The following TYK2 variants were observed in gnomAD, a reference collection of about 807,000 sequenced individuals.
TYK2 encodes tyrosine kinase 2, also known as non-receptor tyrosine-protein kinase TYK2.
In TYK2, 65 loss-of-function variants were observed where a neutral mutation model predicts 130.9. That is an observed-to-expected ratio of 0.50 (90% CI 0.41 to 0.61). The LOEUF (loss-of-function observed/expected upper bound fraction) is 0.61. TYK2 is among the 20% of genes least tolerant of loss of function. The pLI, the probability that TYK2 is intolerant of heterozygous loss-of-function variation, is 0.00. For missense variants in TYK2, 1,378 were observed against 1,610.7 expected, an observed-to-expected ratio of 0.86 and a Z score of 2.47; for synonymous variants, 647 against 658.9, an observed-to-expected ratio of 0.98 and a Z score of 0.28.
chr19:10,378,503 C>A, intron 2 of TYK2, 77 bp from the exon 3 acceptor site: 1 of 1,172,372 alleles, frequency 8.5e-7, no homozygotes. Context: ...TCCACCCACC[C>A]CAGCTAAGGC....
In TYK2 at chr19:10,353,796, C is replaced by T; in HGVS notation, c.2909-150G>A. 1.5e-6 allele frequency: 1 copy of T among 686,392 alleles called. No individual in the cohort carries two copies. The highest frequency in any genetic ancestry group is 2.4e-6 in the Non-Finnish European group (1 of 412,282). 42.5% of individuals were successfully genotyped at this position (686,392 alleles called of 1,614,324 possible). ...CAGTTCTCAGGTGGGATGGACCCATCCAGAACCCCATTCTCACTTGAGGGA... is the reference window on the plus strand; with the variant it reads ...CAGTTCTCAGGTGGGATGGACCCATTCAGAACCCCATTCTCACTTGAGGGA... On this transcript the variant is annotated intron_variant, in intron 20 of 24. Coordinates refer to ENST00000525621, the MANE Select transcript of TYK2 (RefSeq NM_003331.5). This position sits in a 1 kb window ranked among gnomAD's most constrained non-coding sequence, Gnocchi z 6.9.
chr19:10,358,160 G>T, intron 15 of TYK2, 22 bp from the exon 16 acceptor site: 1 of 1,593,874 alleles, frequency 6.3e-7, no homozygotes, highest in Non-Finnish European at 8.5e-7. Context: ...AGGAGAGGGG[G>T]TGTGGCCACT....
At chr19:10,371,429 T>C (rs1599360014) in intron 3 of TYK2, among the ~76,000 whole-genome samples, 1 of 151,632 alleles carries the variant, frequency 6.6e-6, no homozygotes, top group Middle Eastern at 3.2e-3. Flanking sequence ...TCACCTGAGG[T>C]CGGGAGTTCG....
chr19:10,370,472 C>T (rs1480113933), intron 3 of TYK2, among the ~76,000 whole-genome samples: 1 of 151,244 alleles, frequency 6.6e-6, no homozygotes, highest in Non-Finnish European at 1.5e-5. Context: ...CGAGATTGTG[C>T]CACTGCACTC....
Position 10,354,127 on chromosome 19 carries a change from G to T in TYK2, c.2823C>A (p.Arg941=). The part of the protein sequence containing the change: ...ALKADCGPQH[R]SGWKQEIDIL... ...TGTCAATCTCCTGCTTCCAGCCCGA[G>T]CGGTGCTGGGGGCCGCAGTCTGCCT... The change falls in exon 20 of 25, where the codon CGC becomes CGA. Residue 941 remains arginine, a synonymous_variant. Transcript: ENST00000525621. 4 of 1,614,084 alleles carry T rather than the reference G, an allele frequency of 2.5e-6. No homozygotes were observed. Among genetic ancestry groups the T allele is most frequent in the Non-Finnish European group, 3.4e-6 (4 of 1,180,022 alleles).
Position 10,350,790 on chromosome 19 carries a change from C to T in TYK2, c.*44G>A. 1 of 1,609,434 alleles carries T rather than the reference C, an allele frequency of 6.2e-7. No homozygotes were observed. The highest frequency in any genetic ancestry group is 8.5e-7 in the Non-Finnish European group (1 of 1,178,690). On this transcript the variant is annotated 3_prime_UTR_variant, in exon 25 of 25. Transcript: ENST00000525621. The stretch of plus-strand genomic sequence containing the variant: ...AGGGAGCAGGAGGCTCCCTCTGCAG[C>T]CACTGCCTGGTCCAGTCCTCCCAGG...
At chr19:10,352,642 C>T in intron 22 of TYK2, 91 bp from the exon 23 acceptor site, 1 of 765,050 alleles carries the variant, frequency 1.3e-6, no homozygotes, top group Non-Finnish European at 2.2e-6. Context: ...GACTGAAGGA[C>T]CCTCTGGGCT....
intron 3 of TYK2, among the ~76,000 whole-genome samples, chr19:10,374,072 C>T (rs2042018457): frequency 6.6e-6 from 1 of 151,964 alleles, no homozygotes; most frequent in Non-Finnish European, 1.5e-5. Context: ...CGAGACCATC[C>T]TGGCTAGCAC....
In TYK2 at chr19:10,353,691, G is replaced by A. The variant is rs762883998; in HGVS notation, c.2909-45C>T. On this transcript the variant is annotated intron_variant, in intron 20 of 24. Coordinates refer to ENST00000525621, the MANE Select transcript of TYK2 (RefSeq NM_003331.5). This position sits in a 1 kb window ranked among gnomAD's most constrained non-coding sequence, Gnocchi z 6.9. ...CCCCGGTGGGGGACGATAGAGGGCG[G>A]GCCGGGGACCGCCTACCTTGAGCCC... The A allele has an allele frequency of 2.8e-6, 4 of 1,408,810 alleles. No homozygotes were observed. The highest frequency in any genetic ancestry group is 1.4e-5 in the African/African-American group (1 of 69,784). The allele number at this position is 1,408,810 out of a possible 1,614,324, so 87.3% of individuals were successfully genotyped here.
At chr19:10,351,814 C>A (rs2145132125) in intron 23 of TYK2, among the ~76,000 whole-genome samples, 1 of 152,194 alleles carries the variant, frequency 6.6e-6, no homozygotes, top group Non-Finnish European at 1.5e-5. Flanking sequence ...TCTCGGCTCA[C>A]TGCAACCTTC....
Position 10,362,187 on chromosome 19 carries a change from G to T in TYK2, c.1670-6C>A. ...GATGATGAGATTGGAGGTTTCTGGG[G>T]GCAGGCATCAAGTCATGGAGGGCGG... On this transcript the variant is annotated splice_polypyrimidine_tract_variant and splice_region_variant and intron_variant, in intron 11 of 24. Transcript: ENST00000525621. 1 of 1,614,010 alleles carries T rather than the reference G, an allele frequency of 6.2e-7. No individual in the cohort carries two copies. The highest frequency in any genetic ancestry group is 8.5e-7 in the Non-Finnish European group (1 of 1,179,996).
chr19:10,357,272 C>T, intron 17 of TYK2: 1 of 555,082 alleles, frequency 1.8e-6, no homozygotes, highest in Non-Finnish European at 3.2e-6. Context: ...GCCTGTAATC[C>T]CCCCTACTCG....
chr19:10,371,171 G>A (rs2041893816), intron 3 of TYK2, among the ~76,000 whole-genome samples: 1 of 151,494 alleles, frequency 6.6e-6, no homozygotes, highest in South Asian at 2.1e-4. Flanking sequence ...TCACCATGTT[G>A]TCCAGGCTGG....
At position 10,358,115 on chromosome 19, in the gene TYK2, A is replaced by C. The variant is rs1400958659; in HGVS notation, c.2199T>G (p.Gly733=). Residue 733 remains glycine, a synonymous_variant, in exon 16 of 25, where the codon GGT becomes GGG. Transcript: ENST00000525621. ...GCAGGATGTTCCGGCCACACACATT[A>C]CCATGAACCAGGTTCTTGTTCTCCT... The part of the protein sequence containing the change: ...SYLENKNLVH[G]NVCGRNILLA... The C allele has an allele frequency of 6.2e-7, 1 of 1,610,562 alleles. No homozygotes were observed. Among genetic ancestry groups the C allele is most frequent in the East Asian group, 2.2e-5 (1 of 44,780 alleles).
At chr19:10,379,273 G>A (rs1599371254) in intron 2 of TYK2, among the ~76,000 whole-genome samples, 1 of 151,976 alleles carries the variant, frequency 6.6e-6, no homozygotes, top group Non-Finnish European at 1.5e-5. Context: ...AGGCTGCAGT[G>A]AGCAGTGATC....
rs749964610 is a variant in TYK2, at chr19:10,361,743, C to T, written c.1959+27G>A. The stretch of plus-strand genomic sequence containing the variant: ...TCCGGCCACCTCCTCCACAGACACA[C>T]CCCCAGGCCTGGCCCTGCCCACTCA... On this transcript the variant is annotated intron_variant, in intron 13 of 24. Coordinates refer to ENST00000525621, the MANE Select transcript of TYK2 (RefSeq NM_003331.5). This position sits in a 1 kb window ranked among gnomAD's most constrained non-coding sequence, Gnocchi z 4.0. The T allele has an allele frequency of 1.2e-6, 2 of 1,610,668 alleles. No homozygotes were observed. Among genetic ancestry groups the T allele is most frequent in the East Asian group, 4.5e-5 (2 of 44,830 alleles).
intron 3 of TYK2, among the ~76,000 whole-genome samples, chr19:10,372,484 A>ATATATATATATATTTTTTTTT (rs1390400916): frequency 2.7e-5 from 1 of 37,438 alleles, no homozygotes; most frequent in African/African-American, 1.3e-4. Context: ...ATATATATAT[A>ATATATATATATATTTTTTTTT]TTTTTTTTTT....
At chr19:10,373,317 T>A (rs2041993518) in intron 3 of TYK2, among the ~76,000 whole-genome samples, 1 of 150,822 alleles carries the variant, frequency 6.6e-6, no homozygotes, top group South Asian at 2.1e-4. Context: ...GGATTACAAG[T>A]GTGAGCTACG....
chr19:10,365,903 G>C lies in TYK2; in HGVS notation c.630-5C>G. 6.2e-7 allele frequency: 1 copy of C among 1,603,530 alleles called. No homozygotes were observed. The highest frequency in any genetic ancestry group is 8.5e-7 in the Non-Finnish European group (1 of 1,174,724). On this transcript the variant is annotated splice_region_variant and splice_polypyrimidine_tract_variant and intron_variant, in intron 6 of 24. Transcript: ENST00000525621. The stretch of plus-strand genomic sequence containing the variant: ...CGCGGGATGCAGTCCTTGAAGCTGG[G>C]GGGAAACACAGTGAGGGGCTGGTCA...
Sources: gnomAD v4.1 joint callset for allele counts (sites outside exome capture counted in the v4.1 genomes callset) on GRCh38, gnomAD v4.1.1 for gene constraint, Gnocchi (gnomAD v3.1) non-coding constraint, MANE v1.5 for transcripts, NCBI Gene and HGNC (gene_info 2026-07-23, HGNC 2026-07-21) for gene names.